Variants in CASD1 observed in about 807,000 individuals in gnomAD.
CASD1 encodes CAS1 domain sialic acid O acetyltransferase 1, also known as N-acetylneuraminate (7)9-O-acetyltransferase.
Under a neutral mutation model 100.0 loss-of-function variants are expected in CASD1, and 41 were observed. The observed-to-expected ratio is 0.41, with a 90% CI of 0.32 to 0.53. CASD1 has a LOEUF of 0.53. Among genes scored for constraint, CASD1 ranks in the 20% least tolerant of loss-of-function variants. The probability of loss-of-function intolerance (pLI) is 0.25; values close to 1 mark genes in which losing one functional copy is unlikely to be tolerated. For synonymous variants in CASD1, 321 were observed against 315.6 expected (o/e 1.02, Z -0.18); for missense variants, 774 against 948.7 (o/e 0.82, Z 2.42).
At chr7:94,550,778 A>G (rs1795907146) in intron 14 of CASD1, among the ~76,000 whole-genome samples, 1 of 152,084 alleles carries the variant, frequency 6.6e-6, no homozygotes, top group African/African-American at 2.4e-5. Context: ...GGGGATTAAC[A>G]TGATTCAACT....
At chr7:94,595,617 G>A in the CASD1 span, among the ~76,000 whole-genome samples, 2 of 152,026 alleles carry the variant, frequency 1.3e-5, no homozygotes, top group Admixed American at 1.3e-4. Context: ...TTAATCTTGA[G>A]AATTCAATTC....
the CASD1 span, among the ~76,000 whole-genome samples, chr7:94,571,288 C>T: frequency 1.9e-4 from 29 of 152,250 alleles, no homozygotes; most frequent in Middle Eastern, 3.4e-3. Flanking sequence ...AGCAATCCTC[C>T]TGCTTCAGCC....
At chr7:94,606,221 CTT>C in the CASD1 span, among the ~76,000 whole-genome samples, 1 of 152,122 alleles carries the variant, frequency 6.6e-6, no homozygotes, top group Non-Finnish European at 1.5e-5. Context: ...CAACTATACT[CTT>C]TATAAAAAAT....
At chr7:94,554,723 G>A (rs1273919549) in intron 17 of CASD1, 148 bp downstream of exon 17, 3 of 511,246 alleles carry the variant, frequency 5.9e-6, no homozygotes, top group South Asian at 3.6e-5. Flanking sequence ...GGAATTACAG[G>A]GAAAAGACTT....
At chr7:94,589,067 G>A in the CASD1 span, 1 of 350,220 alleles carries the variant, frequency 2.9e-6, no homozygotes, top group Admixed American at 3.9e-5. Flanking sequence ...CTAGGACATG[G>A]TAGGTAAAGA....
At chr7:94,513,960 CATT>C (rs1413327836) in intron 1 of CASD1, among the ~76,000 whole-genome samples, 22 of 152,076 alleles carry the variant, frequency 1.4e-4, no homozygotes, top group Admixed American at 7.9e-4. Context: ...CAATTTCTAA[CATT>C]ATGAATCTCA....
At chr7:94,531,336 T>C (rs1324105721) in intron 5 of CASD1, among the ~76,000 whole-genome samples, 1 of 152,162 alleles carries the variant, frequency 6.6e-6, no homozygotes, top group Non-Finnish European at 1.5e-5. Context: ...ATATTTTCTT[T>C]ACTCTCTTGT....
the CASD1 span, chr7:94,594,460 G>A: frequency 1.3e-5 from 2 of 152,044 alleles, no homozygotes; most frequent in Non-Finnish European, 2.9e-5. Flanking sequence ...GACTGTCGAG[G>A]TCATGGGACA....
the CASD1 span, among the ~76,000 whole-genome samples, chr7:94,569,326 TG>T: frequency 6.6e-6 from 1 of 152,172 alleles, no homozygotes; most frequent in African/African-American, 2.4e-5. Flanking sequence ...AAAGGAATAG[TG>T]GATTGATGAT....
chr7:94,590,833 T>C, the CASD1 span: 1 of 152,202 alleles, frequency 6.6e-6, no homozygotes, highest in Admixed American at 6.5e-5. Flanking sequence ...TTGATATGAA[T>C]TATTTCAGCC....
chr7:94,619,954 T>C, the CASD1 span: 1 of 152,146 alleles, frequency 6.6e-6, no homozygotes, highest in East Asian at 1.9e-4. Flanking sequence ...AAATATTAAA[T>C]GTTAGCTCTA....
the CASD1 span, chr7:94,618,743 TA>T: frequency 6.2e-7 from 1 of 1,605,524 alleles, no homozygotes; most frequent in Non-Finnish European, 8.5e-7. Flanking sequence ...GGCAATGAGA[TA>T]AAGATCTGCT....
chr7:94,582,089 G>A, the CASD1 span, among the ~76,000 whole-genome samples: 25 of 152,094 alleles, frequency 1.6e-4, no homozygotes, highest in Non-Finnish European at 3.1e-4. Context: ...GTGTGAGATG[G>A]TATCTCATTA....
chr7:94,624,094 C>T, the CASD1 span: 1 of 394,300 alleles, frequency 2.5e-6, no homozygotes, highest in African/African-American at 2.1e-5. Flanking sequence ...CAGGATATGG[C>T]TTCAAAACTT....
intron 5 of CASD1, among the ~76,000 whole-genome samples, chr7:94,531,655 ATTTAT>A (rs1458010396): frequency 1.3e-5 from 2 of 151,972 alleles, no homozygotes; most frequent in African/African-American, 4.8e-5. Context: ...AAGAAAATGG[ATTTAT>A]TTTGTTATTT....
At chr7:94,515,438 T>G (rs1192864412) in intron 1 of CASD1, among the ~76,000 whole-genome samples, 2 of 150,898 alleles carry the variant, frequency 1.3e-5, no homozygotes, top group Non-Finnish European at 1.5e-5. Context: ...TTGATACGGG[T>G]TCATCAGATT....
chr7:94,585,835 G>T, the CASD1 span, among the ~76,000 whole-genome samples: 1 of 151,658 alleles, frequency 6.6e-6, no homozygotes, highest in Non-Finnish European at 1.5e-5. Flanking sequence ...CCTTTTAATC[G>T]TGGCTTTTAA....
At chr7:94,582,148 C>T in the CASD1 span, among the ~76,000 whole-genome samples, 1 of 152,140 alleles carries the variant, frequency 6.6e-6, no homozygotes, top group South Asian at 2.1e-4. Flanking sequence ...GAGCTTTTCT[C>T]ACTCTGTCGC....
At chr7:94,615,828 T>C in the CASD1 span, among the ~76,000 whole-genome samples, 1 of 152,280 alleles carries the variant, frequency 6.6e-6, no homozygotes, top group Admixed American at 6.5e-5. Flanking sequence ...TGGAATGAAA[T>C]ATGAACCTGC....
Sources: gnomAD v4.1 joint callset for allele counts (sites outside exome capture counted in the v4.1 genomes callset) on GRCh38, gnomAD v4.1.1 for gene constraint, MANE v1.5 for transcripts, NCBI Gene and HGNC (gene_info 2026-07-23, HGNC 2026-07-21) for gene names.